Variants in SUPT5H observed in about 807,000 individuals in gnomAD.
The protein encoded by SUPT5H is SPT5 homolog, DSIF elongation factor subunit, also known as transcription elongation factor SPT5.
A neutral mutation model predicts 142.5 loss-of-function variants in SUPT5H; 24 were observed. That is an observed-to-expected ratio of 0.17 (90% confidence interval 0.12 to 0.24). The LOEUF is 0.24. SUPT5H is among the 10% of genes least tolerant of loss of function. SUPT5H has a pLI of 1.00. For missense variants in SUPT5H, 893 were observed against 1,471.8 expected, an observed-to-expected ratio of 0.61 and a Z score of 6.43; for synonymous variants, 546 against 553.0, an observed-to-expected ratio of 0.99 and a Z score of 0.18.
chr19:39,447,961 G>A (rs1486495041), intron 2 of SUPT5H, among the ~76,000 whole-genome samples: 2 of 152,170 alleles, frequency 1.3e-5, no homozygotes, highest in Non-Finnish European at 2.9e-5. Flanking sequence ...TGCTTGTGAG[G>A]GAGATTTAAC....
In SUPT5H at chr19:39,474,062, C is replaced by T. The variant is rs771930976; in HGVS notation, c.2592C>T (p.Asp864=). 6.2e-7 allele frequency: 1 copy of T among 1,610,024 alleles called. No individual in the cohort carries two copies. The highest frequency in any genetic ancestry group is 1.3e-5 in the African/African-American group (1 of 74,870). Residue 864 remains aspartate (D), a synonymous_variant, in exon 26 of 30, where the codon GAC becomes GAT. Transcript: ENST00000432763. The surrounding 1 kb of genome is among the most constrained non-coding windows in gnomAD (Gnocchi z 6.5). ...ATCCCCAAACACCTGGCTACCCAGA[C>T]CCCTCGTCCCCACAGGTCAACCCAC... ...TPNPQTPGYP[D]PSSPQVNPQY...
In SUPT5H at chr19:39,472,632, G is replaced by A. The variant is rs988171702; in HGVS notation, c.2035+139G>A. 2.0e-5 allele frequency: 28 copies of A among 1,374,154 alleles called. No individual in the cohort carries two copies. The highest frequency in any genetic ancestry group is 2.7e-5 in the Non-Finnish European group (27 of 1,011,720). 85.1% of individuals were successfully genotyped at this position (1,374,154 alleles called of 1,614,324 possible). On this transcript the variant is annotated intron_variant, in intron 21 of 29. Coordinates refer to ENST00000432763, the MANE Select transcript of SUPT5H (RefSeq NM_001111020.3). The surrounding 1 kb of genome is among the most constrained non-coding windows in gnomAD (Gnocchi z 4.2). ...GTTCACCACCCACAGGAGGGTAGACGCCACAGTGACAGCCCAGAATGGTCA... is the reference window on the plus strand; with the variant it reads ...GTTCACCACCCACAGGAGGGTAGACACCACAGTGACAGCCCAGAATGGTCA...
Position 39,469,567 on chromosome 19 carries a change from G to T in SUPT5H, c.1374+169G>T. The T allele has an allele frequency of 1.1e-6, 1 of 950,806 alleles. No homozygotes were observed. Among genetic ancestry groups the T allele is most frequent in the Non-Finnish European group, 1.6e-6 (1 of 640,922 alleles). 58.9% of individuals were successfully genotyped at this position (950,806 alleles called of 1,614,324 possible). A position where few individuals can be genotyped will look rare whatever the true frequency, so the allele number is the denominator to read the frequency against. On this transcript the variant is annotated intron_variant, in intron 16 of 29. Coordinates refer to ENST00000432763, the MANE Select transcript of SUPT5H (RefSeq NM_001111020.3). The surrounding 1 kb of genome is among the most constrained non-coding windows in gnomAD (Gnocchi z 5.1). ...GAGGCTCTGTCTGAGTGCAGCTCAG[G>T]GTCGGTGGGCAGCAGGCCTGCCTGG...
At chr19:39,471,336 C>G (rs776143738) in intron 18 of SUPT5H, 21 bp from the exon 19 acceptor site, 4 of 1,614,010 alleles carry the variant, frequency 2.5e-6, no homozygotes, top group Non-Finnish European at 3.4e-6. Context: ...CCCCCACAGC[C>G]TCCCTGCTCT....
chr19:39,457,588 T>C, intron 3 of SUPT5H, 87 bp from the exon 4 acceptor site: 1 of 1,562,410 alleles, frequency 6.4e-7, no homozygotes, highest in Non-Finnish European at 8.7e-7. Flanking sequence ...GGATTTGTAG[T>C]GCACATCTCC....
At position 39,458,715 on chromosome 19, in the gene SUPT5H, C is replaced by T; in HGVS notation, c.320-103C>T. On this transcript the variant is annotated intron_variant, in intron 5 of 29. Transcript: ENST00000432763. This position sits in a 1 kb window ranked among gnomAD's most constrained non-coding sequence, Gnocchi z 4.2. Reference sequence around the variant, plus strand: ...TCCTCTGTGAGATGTCATCTTCCTGCCCCAGGGCCAAACCCTGGCCCTCTT... The same window carrying T: ...TCCTCTGTGAGATGTCATCTTCCTGTCCCAGGGCCAAACCCTGGCCCTCTT... The T allele has an allele frequency of 9.2e-7, 1 of 1,091,662 alleles. No homozygotes were observed. The highest frequency in any genetic ancestry group is 1.6e-5 in the African/African-American group (1 of 63,320). 67.6% of individuals were successfully genotyped at this position (1,091,662 alleles called of 1,614,324 possible).
chr19:39,472,006 A>G lies in SUPT5H; in HGVS notation c.1950+276A>G. On this transcript the variant is annotated intron_variant, in intron 20 of 29. Transcript: ENST00000432763. This position sits in a 1 kb window ranked among gnomAD's most constrained non-coding sequence, Gnocchi z 4.2. The stretch of plus-strand genomic sequence containing the variant: ...CAAGACAAAAATACTCTGCTCTCAC[A>G]GAGCTGATACTCTAGAGGTGGACAG... 1.9e-6 allele frequency: 1 copy of G among 521,742 alleles called. No individual in the cohort carries two copies. The allele number at this position is 521,742 out of a possible 1,614,324, so 32.3% of individuals were successfully genotyped here. A position where few individuals can be genotyped will look rare whatever the true frequency, so the allele number is the denominator to read the frequency against.
Position 39,468,821 on chromosome 19 carries a change from G to T in SUPT5H, c.1103G>T (p.Arg368Leu). 6.2e-7 allele frequency: 1 copy of T among 1,614,152 alleles called. No individual in the cohort carries two copies. Among genetic ancestry groups the T allele is most frequent in the Non-Finnish European group, 8.5e-7 (1 of 1,180,032 alleles). ...FLIFEGNRYS[R>L]KGFLFKSFAM... ...ATCTTTGAGGGGAACCGTTACAGCC[G>T]GAAGGGCTTTCTGTTCAAGAGCTTC... is the stretch of plus-strand genomic sequence containing the variant. Residue 368 changes from arginine (R) to leucine (L), a missense_variant, in exon 14 of 30, where the codon CGG (arginine) becomes CTG (leucine). Arg to Leu is a moderately radical substitution (Grantham distance 102, BLOSUM62 -2). Around this residue, in one of 6 missense-constraint regions of SUPT5H, gnomAD observed 428 missense variants for 763.5 expected, o/e 0.56. Coordinates refer to ENST00000432763, the MANE Select transcript of SUPT5H (RefSeq NM_001111020.3).
Position 39,473,493 on chromosome 19 carries a change from G to A in SUPT5H, c.2464G>A (p.Asp822Asn). Residue 822 changes from aspartate (D) to asparagine (N), a missense_variant, in exon 25 of 30, where the codon GAC (aspartate) becomes AAC (asparagine). Physicochemically the swap from Asp to Asn is conservative, Grantham distance 23 (BLOSUM62 1). Transcript: ENST00000432763. This position sits in a 1 kb window ranked among gnomAD's most constrained non-coding sequence, Gnocchi z 5.8. The part of the protein sequence containing the change: ...SRTPAQSGAW[D>N]PNNPNTPSRA... The stretch of plus-strand genomic sequence containing the variant: ...CACTCCTGCCCAGAGTGGGGCCTGG[G>A]ACCCCAACAACCCCAACACGCCGTC... The A allele has an allele frequency of 6.2e-7, 1 of 1,612,124 alleles. No homozygotes were observed. The highest frequency in any genetic ancestry group is 8.5e-7 in the Non-Finnish European group (1 of 1,179,918).
Position 39,473,820 on chromosome 19 carries a change from G to C in SUPT5H, c.2493-143G>C. ...TCAACCACAGTGTCAGCTGTGGAAG[G>C]GAAATAACATCAGGAGTGCCTCTGG... On this transcript the variant is annotated intron_variant, in intron 25 of 29. Coordinates refer to ENST00000432763, the MANE Select transcript of SUPT5H (RefSeq NM_001111020.3). The surrounding 1 kb of genome is among the most constrained non-coding windows in gnomAD (Gnocchi z 5.8). 1 of 1,185,784 alleles carries C rather than the reference G, an allele frequency of 8.4e-7. No individual in the cohort carries two copies. The allele number at this position is 1,185,784 out of a possible 1,614,324, so 73.5% of individuals were successfully genotyped here. A position where few individuals can be genotyped will look rare whatever the true frequency, so the allele number is the denominator to read the frequency against.
chr19:39,459,426 A>G, intron 8 of SUPT5H, 133 bp from the exon 9 acceptor site: 1 of 1,352,156 alleles, frequency 7.4e-7, no homozygotes, highest in Non-Finnish European at 1.0e-6. Context: ...TCCTGGGTAG[A>G]AGCGTGGGGA....
At chr19:39,450,654 TAC>T (rs2079010015) in intron 2 of SUPT5H, among the ~76,000 whole-genome samples, 1 of 152,242 alleles carries the variant, frequency 6.6e-6, no homozygotes, top group Non-Finnish European at 1.5e-5. Flanking sequence ...TGTTTTAGAT[TAC>T]AGTTTTCTAA....
In SUPT5H at chr19:39,457,740, G is replaced by C; in HGVS notation, c.307G>C (p.Glu103Gln). 1 of 1,614,142 alleles carries C rather than the reference G, an allele frequency of 6.2e-7. No homozygotes were observed. The highest frequency in any genetic ancestry group is 8.5e-7 in the Non-Finnish European group (1 of 1,180,022). Residue 103 changes from glutamate to glutamine, a missense_variant and splice_region_variant, in exon 4 of 30, where the codon GAA becomes CAA. By Grantham distance (29) the Glu-to-Gln change is conservative. This residue lies in a region of SUPT5H where 428 missense variants were observed against 763.5 expected (regional missense o/e 0.56). Transcript: ENST00000432763. The part of the protein sequence containing the change: ...EDGAEDILEK[E>Q]EIEASNIDNV... ...TGGAGCAGAGGACATTCTAGAGAAA[G>C]GTGTGTGTGAGCCCTGCCTCCACAA...
intron 13 of SUPT5H, chr19:39,467,456 T>C (rs981812087): frequency 1.2e-4 from 18 of 152,228 alleles, no homozygotes; most frequent in African/African-American, 4.1e-4. Flanking sequence ...AGTATGCATA[T>C]GTACTCAGAA....
At position 39,473,120 on chromosome 19, in the gene SUPT5H, G is replaced by A; in HGVS notation, c.2258+6G>A. 1.9e-6 allele frequency: 3 copies of A among 1,612,848 alleles called. No homozygotes were observed. The highest frequency in any genetic ancestry group is 1.7e-6 in the Non-Finnish European group (2 of 1,179,844). ...CGTCAGCGGCTCACCACGGTGTACGGGCGGGGCCTGGGGAGGGCCAGGGTG... is the reference window on the plus strand; with the variant it reads ...CGTCAGCGGCTCACCACGGTGTACGAGCGGGGCCTGGGGAGGGCCAGGGTG... On this transcript the variant is annotated splice_donor_region_variant and intron_variant, in intron 23 of 29. Transcript: ENST00000432763. The surrounding 1 kb of genome is among the most constrained non-coding windows in gnomAD (Gnocchi z 5.8).
chr19:39,464,274 CGT>C (rs1486606662), intron 10 of SUPT5H, among the ~76,000 whole-genome samples: 2 of 152,166 alleles, frequency 1.3e-5, no homozygotes, highest in African/African-American at 4.8e-5. Context: ...CATGAGCCAC[CGT>C]GCCCGGCTCT....
chr19:39,446,959 G>T (rs1452139526), intron 2 of SUPT5H, among the ~76,000 whole-genome samples: 1 of 152,222 alleles, frequency 6.6e-6, no homozygotes, highest in Non-Finnish European at 1.5e-5. Flanking sequence ...GGTGAGCTGA[G>T]ATCGCGCCAC....
Position 39,476,511 on chromosome 19 carries a change from T to G in SUPT5H, c.*112T>G, listed in dbSNP as rs1244195270. 2 of 1,394,156 alleles carry G rather than the reference T, an allele frequency of 1.4e-6. No individual in the cohort carries two copies. The highest frequency in any genetic ancestry group is 1.9e-6 in the Non-Finnish European group (2 of 1,027,324). 86.4% of individuals were successfully genotyped at this position (1,394,156 alleles called of 1,614,324 possible). ...AGGGCTAGGCGGATTGTTCTGGATTTCCTTTTGTTTTTCCTTTTAGTTTTC... is the reference window on the plus strand; with the variant it reads ...AGGGCTAGGCGGATTGTTCTGGATTGCCTTTTGTTTTTCCTTTTAGTTTTC... On this transcript the variant is annotated 3_prime_UTR_variant, in exon 30 of 30. Transcript: ENST00000432763.
At chr19:39,467,414 G>C (rs2079257005) in intron 13 of SUPT5H, 1 of 152,206 alleles carries the variant, frequency 6.6e-6, no homozygotes, top group Non-Finnish European at 1.5e-5. Context: ...TGCTTCCTCA[G>C]ATTATAGATT....
Sources: gnomAD v4.1 joint callset for allele counts (sites outside exome capture counted in the v4.1 genomes callset) on GRCh38, gnomAD v4.1.1 for gene constraint, gnomAD v4.1.1 regional missense constraint, Gnocchi (gnomAD v3.1) non-coding constraint, MANE v1.5 for transcripts, NCBI Gene and HGNC (gene_info 2026-07-23, HGNC 2026-07-21) for gene names.